Variants in FAM47E observed in about 807,000 individuals in gnomAD.
The protein encoded by FAM47E is protein FAM47E.
Under a neutral mutation model 41.6 loss-of-function variants are expected in FAM47E, and 32 were observed. The observed-to-expected ratio is 0.77, with a 90% confidence interval of 0.58 to 1.03. The LOEUF (loss-of-function observed/expected upper bound fraction) is 1.03, where lower values mean the gene tolerates loss of function less well. FAM47E is among the 50% of genes least tolerant of loss of function. The pLI is 0.00. For synonymous variants in FAM47E, 184 were observed against 188.7 expected, an observed-to-expected ratio of 0.98 and a Z score of 0.20; for missense variants, 424 against 485.4, an observed-to-expected ratio of 0.87 and a Z score of 1.19.
chr4:76,271,772 A>G lies in FAM47E; in HGVS notation c.870+4A>G, dbSNP rs1322715292. On this transcript the variant is annotated splice_donor_region_variant and intron_variant, in intron 5 of 7. Coordinates refer to ENST00000424749, the MANE Select transcript of FAM47E (RefSeq NM_001136570.3). ...GAGGAAACTCCAGAAACCACAGGTA[A>G]TTGCAGAAGGGGACCAGACCGAAAA... 2 of 1,550,722 alleles carry G rather than the reference A, an allele frequency of 1.3e-6. No homozygotes were observed. Among genetic ancestry groups the G allele is most frequent in the East Asian group, 4.9e-5 (2 of 40,908 alleles).
intron 3 of FAM47E, among the ~76,000 whole-genome samples, chr4:76,266,444 T>C (rs1292918769): frequency 6.6e-6 from 1 of 152,196 alleles, no homozygotes; most frequent in African/African-American, 2.4e-5. Context: ...TCTGGAACAA[T>C]AGTTGCAATC....
At chr4:76,276,488 T>C (rs1735121926) in intron 5 of FAM47E, among the ~76,000 whole-genome samples, 1 of 152,124 alleles carries the variant, frequency 6.6e-6, no homozygotes, top group South Asian at 2.1e-4. Context: ...TTCTCCTGCC[T>C]CAGCCTCCCG....
intron 3 of FAM47E, among the ~76,000 whole-genome samples, chr4:76,267,334 A>G (rs892640111): frequency 1.3e-5 from 2 of 152,224 alleles, no homozygotes; most frequent in Non-Finnish European, 2.9e-5. Flanking sequence ...GAAGGGGATA[A>G]GGAAATGGTG....
chr4:76,261,467 A>G (rs936497008), intron 2 of FAM47E, among the ~76,000 whole-genome samples: 2 of 152,236 alleles, frequency 1.3e-5, no homozygotes, highest in South Asian at 2.1e-4. Context: ...TGTGGTATGT[A>G]TATACCATGA....
At chr4:76,270,511 G>C (rs1421808723) in intron 4 of FAM47E, among the ~76,000 whole-genome samples, 1 of 152,190 alleles carries the variant, frequency 6.6e-6, no homozygotes, top group African/African-American at 2.4e-5. Context: ...CGGGGATGCT[G>C]GATGAAGCAG....
intron 2 of FAM47E, among the ~76,000 whole-genome samples, chr4:76,258,155 T>A (rs1446561204): frequency 6.6e-6 from 1 of 152,196 alleles, no homozygotes; most frequent in Non-Finnish European, 1.5e-5. Flanking sequence ...AATAGGTGTG[T>A]TGGCTTCCTG....
intron 2 of FAM47E, among the ~76,000 whole-genome samples, chr4:76,245,076 C>A (rs1733796128): frequency 6.6e-6 from 1 of 152,126 alleles, no homozygotes; most frequent in Non-Finnish European, 1.5e-5. Flanking sequence ...AATGGACATG[C>A]ACATTGCCCC....
chr4:76,247,910 C>CT (rs753751295), upstream of FAM47E, among the ~76,000 whole-genome samples: 562 of 86,768 alleles, frequency 6.5e-3, 26 homozygotes, highest in South Asian at 0.011. Flanking sequence ...CACTCTCTCT[C>CT]TTTTTTTTTT....
intron 2 of FAM47E, among the ~76,000 whole-genome samples, chr4:76,230,706 G>A (rs1733477491): frequency 1.3e-5 from 2 of 152,084 alleles, no homozygotes; most frequent in African/African-American, 2.4e-5. Context: ...GAGTCCAGGC[G>A]ACCTTGGCAG....
intron 2 of FAM47E, among the ~76,000 whole-genome samples, chr4:76,230,881 C>G (rs1441905): frequency 0.97 from 148,425 of 152,302 alleles, 72,441 homozygotes; most frequent in East Asian, 1. Context: ...CTTTATCCAT[C>G]AAACAGGAAG....
exon 2 of FAM47E, chr4:76,217,662 A>C (rs1733233802): frequency 1.5e-6 from 1 of 653,402 alleles, no homozygotes; most frequent in African/African-American, 1.8e-5. Context: ...TGAGCCAAAT[A>C]AACCTCTTTT....
In FAM47E at chr4:76,271,756, C is replaced by A; in HGVS notation, c.858C>A (p.Leu286=). The change falls in exon 5 of 8, where the codon CTC becomes CTA. Residue 286 remains leucine (L), a synonymous_variant. Coordinates refer to ENST00000424749, the MANE Select transcript of FAM47E (RefSeq NM_001136570.3). ...AGAAACTAGGCTATGAGAGGAAACT[C>A]CAGAAACCACAGGTAATTGCAGAAG... ...FFQKLGYERK[L]QKPQNPYKPK... 6.4e-7 allele frequency: 1 copy of A among 1,551,338 alleles called. No homozygotes were observed. Among genetic ancestry groups the A allele is most frequent in the African/African-American group, 1.4e-5 (1 of 73,116 alleles).
At chr4:76,262,349 T>C (rs1327963589) in intron 2 of FAM47E, among the ~76,000 whole-genome samples, 1 of 152,248 alleles carries the variant, frequency 6.6e-6, no homozygotes, top group East Asian at 1.9e-4. Flanking sequence ...TACCTCTGTG[T>C]AATTGCCCAT....
At chr4:76,258,238 C>A (rs1040191130) in intron 2 of FAM47E, among the ~76,000 whole-genome samples, 1 of 152,174 alleles carries the variant, frequency 6.6e-6, no homozygotes, top group Non-Finnish European at 1.5e-5. Flanking sequence ...CACTTAGCAA[C>A]CCCAGCAGAA....
chr4:76,283,534 A>G lies in FAM47E; in HGVS notation c.*76A>G, dbSNP rs1735448814. On this transcript the variant is annotated 3_prime_UTR_variant, in exon 8 of 8. Coordinates refer to ENST00000424749, the MANE Select transcript of FAM47E (RefSeq NM_001136570.3). ...ATTTCTCTGTCTCCTTTTAAAGATT[A>G]AACAGAGTTTATGATGAGTGTCCCA... 11 of 927,900 alleles carry G rather than the reference A, an allele frequency of 1.2e-5. No homozygotes were observed. In the East Asian group the frequency reaches 2.6e-4, roughly 22 times the overall value. The allele number at this position is 927,900 out of a possible 1,614,324, so 57.5% of individuals were successfully genotyped here. A position where few individuals can be genotyped will look rare whatever the true frequency, so the allele number is the denominator to read the frequency against.
chr4:76,269,934 A>G (rs1463074410), intron 4 of FAM47E, among the ~76,000 whole-genome samples: 1 of 152,144 alleles, frequency 6.6e-6, no homozygotes, highest in Non-Finnish European at 1.5e-5. Context: ...CTTGGATTTA[A>G]GGTCTTTAGG....
At chr4:76,250,672 C>T (rs1733937293), upstream of FAM47E, among the ~76,000 whole-genome samples, 1 of 152,138 alleles carries the variant, frequency 6.6e-6, no homozygotes, top group South Asian at 2.1e-4. Context: ...ACCCTACCTC[C>T]TCAAAGTAAT....
At chr4:76,272,506 A>G (rs1734933026) in intron 5 of FAM47E, among the ~76,000 whole-genome samples, 1 of 152,228 alleles carries the variant, frequency 6.6e-6, no homozygotes, top group South Asian at 2.1e-4. Flanking sequence ...TTTGGGACAT[A>G]TTAATTTTGT....
intron 2 of FAM47E, among the ~76,000 whole-genome samples, chr4:76,235,108 G>A (rs1311631090): frequency 6.6e-6 from 1 of 152,106 alleles, no homozygotes; most frequent in African/African-American, 2.4e-5. Context: ...ACGAGGTCAG[G>A]AGATAGAGAC....
Sources: gnomAD v4.1 joint callset for allele counts (sites outside exome capture counted in the v4.1 genomes callset) on GRCh38, gnomAD v4.1.1 for gene constraint, MANE v1.5 for transcripts, NCBI Gene and HGNC (gene_info 2026-07-23, HGNC 2026-07-21) for gene names.